The following NCOR2 variants were observed in gnomAD, a reference collection of about 807,000 sequenced individuals.
The protein encoded by NCOR2 is CTG repeat protein 26.
A neutral mutation model predicts 262.9 loss-of-function variants in NCOR2; 81 were observed. The observed-to-expected ratio is 0.31, with a 90% CI of 0.26 to 0.37. The LOEUF is 0.37. Ranked by LOEUF, NCOR2 falls within the 10% of genes least tolerant of loss-of-function variation. The pLI is 1.00. For synonymous variants in NCOR2, 1,659 were observed against 1,559.3 expected (o/e 1.06, Z -1.51); for missense variants, 3,385 against 3,621.4 (o/e 0.93, Z 1.68).
At chr12:124,333,335 A>C (rs1593085706) in intron 41 of NCOR2, 56 bp from the exon 44 acceptor site, 6 of 1,404,612 alleles carry the variant, frequency 4.3e-6, no homozygotes, top group Admixed American at 5.3e-5. Flanking sequence ...GAGGGGGCGC[A>C]CCCTCCCTCC....
Position 124,433,904 on chromosome 12 carries a change from A to ACACACACACACACACACACG in NCOR2, c.883-3118_883-3117insCGTGTGTGTGTGTGTGTGTG, listed in dbSNP as rs1555222718. Among the ~76,000 whole-genome samples, 562 of 93,892 alleles carry ACACACACACACACACACACG rather than the reference A, an allele frequency of 6.0e-3. 29 individuals carry two copies. The highest frequency in any genetic ancestry group is 0.037 in the Middle Eastern group (6 of 162). 61.6% of individuals were successfully genotyped at this position (93,892 alleles called of 152,430 possible). A position where few individuals can be genotyped will look rare whatever the true frequency, so the allele number is the denominator to read the frequency against. ...CACACACACACACACACACACGCAC[A>ACACACACACACACACACACG]CACACACACAGGGAAAGACTGGAGC... is the stretch of plus-strand genomic sequence containing the variant. On this transcript the variant is annotated intron_variant, in intron 8 of 46. Coordinates refer to ENST00000405201, the Ensembl canonical transcript of NCOR2.
rs151326385 is a variant in NCOR2 at position 124,389,754 on chromosome 12, G to A, written c.1877-3867C>T. Reference sequence around the variant, plus strand: ...AGACCGCCAACCATTTAGGGGAGGGGGAAGGGTTTGGGGATTTGGGGTCCC... The same window carrying A: ...AGACCGCCAACCATTTAGGGGAGGGAGAAGGGTTTGGGGATTTGGGGTCCC... On this transcript the variant is annotated intron_variant, in intron 16 of 46. Coordinates refer to ENST00000405201, the Ensembl canonical transcript of NCOR2. The surrounding 1 kb of genome is among the most constrained non-coding windows in gnomAD (Gnocchi z 4.4). Among the ~76,000 whole-genome samples, 1 of 152,312 alleles carries A rather than the reference G, an allele frequency of 6.6e-6. No homozygotes were observed. The highest frequency in any genetic ancestry group is 1.5e-5 in the Non-Finnish European group (1 of 68,022).
intron 7 of NCOR2, among the ~76,000 whole-genome samples, chr12:124,438,974 G>C (rs1261805688): frequency 8.0e-6 from 1 of 125,160 alleles, no homozygotes; most frequent in African/African-American, 3.0e-5. Flanking sequence ...GAGGGAGACA[G>C]AGACCCAGAG....
chr12:124,370,587 C>G (rs2039420281), intron 20 of NCOR2, among the ~76,000 whole-genome samples: 1 of 152,330 alleles, frequency 6.6e-6, no homozygotes, highest in African/African-American at 2.4e-5. Context: ...ACAATTCCTC[C>G]AGCCATCCAG....
At chr12:124,428,043 C>CGGTGTGTGTGTGTG (rs1491282996) in intron 10 of NCOR2, among the ~76,000 whole-genome samples, 1 of 40,964 alleles carries the variant, frequency 2.4e-5, no homozygotes, top group Non-Finnish European at 8.7e-5. Flanking sequence ...CCCATGTGGC[C>CGGTGTGTGTGTGTG]AGTGTGTGTG....
intron 42 of NCOR2, 89 bp from the exon 45 acceptor site, chr12:124,332,556 A>G: frequency 6.4e-7 from 1 of 1,564,954 alleles, no homozygotes; most frequent in Non-Finnish European, 8.8e-7. Context: ...GAGATGCCTT[A>G]GACATTTGGA....
At chr12:124,486,691 G>T in intron 1 of NCOR2, 123 bp from the exon 4 acceptor site, 1 of 1,256,394 alleles carries the variant, frequency 8.0e-7, no homozygotes, top group Non-Finnish European at 1.1e-6. Context: ...AGGCAGATAA[G>T]CCCAAGTCCT....
exon 23 of NCOR2, chr12:124,356,733 A>C (rs1241991531): frequency 1.3e-6 from 2 of 1,498,094 alleles, no homozygotes; most frequent in Non-Finnish European, 1.8e-6. Flanking sequence ...GCAGGCCGGA[A>C]GTCCAGCAAG....
At chr12:124,349,898 T>A (rs2037291542) in intron 28 of NCOR2, among the ~76,000 whole-genome samples, 1 of 152,082 alleles carries the variant, frequency 6.6e-6, no homozygotes, top group African/African-American at 2.4e-5. Flanking sequence ...CAAGGCTATC[T>A]CTGTGGCAGC....
chr12:124,479,171 G>A (rs542722829), intron 3 of NCOR2, among the ~76,000 whole-genome samples: 1 of 152,304 alleles, frequency 6.6e-6, no homozygotes, highest in African/African-American at 2.4e-5. Flanking sequence ...TGCCCACTCA[G>A]GGGTTGGTCA....
At chr12:124,344,116 T>G (rs1244087) in intron 32 of NCOR2, among the ~76,000 whole-genome samples, 150,632 of 152,294 alleles carry the variant, frequency 0.99, 74,516 homozygotes, top group Middle Eastern at 1. Context: ...CCCCAGCAAA[T>G]ACTGAATTGA....
chr12:124,363,442 G>A (rs2038774723), intron 21 of NCOR2, among the ~76,000 whole-genome samples: 1 of 152,224 alleles, frequency 6.6e-6, no homozygotes, highest in African/African-American at 2.4e-5. Context: ...GGTGCTGCGG[G>A]GTGGAAGGGG....
intron 7 of NCOR2, among the ~76,000 whole-genome samples, chr12:124,449,275 T>A (rs1471457612): frequency 6.6e-6 from 1 of 152,190 alleles, no homozygotes; most frequent in Admixed American, 6.5e-5. Flanking sequence ...GCCCCCATCA[T>A]TAGAATACAT....
intron 13 of NCOR2, among the ~76,000 whole-genome samples, chr12:124,406,076 G>A (rs765577773): frequency 2.0e-5 from 3 of 152,246 alleles, no homozygotes; most frequent in Non-Finnish European, 4.4e-5. Context: ...TGGGCAGCCA[G>A]ATTTGAGAAC....
chr12:124,524,029 C>G (rs1048861327), intron 1 of NCOR2, among the ~76,000 whole-genome samples: 1 of 152,228 alleles, frequency 6.6e-6, no homozygotes, highest in Non-Finnish European at 1.5e-5. Flanking sequence ...TGGTGTCAGA[C>G]GTGACTTCCC....
chr12:124,327,702 G>C (rs1198327137), intron 44 of NCOR2, 69 bp from the exon 47 acceptor site: 17 of 1,083,614 alleles, frequency 1.6e-5, no homozygotes, highest in Non-Finnish European at 2.3e-5. Flanking sequence ...AGGGGCGACA[G>C]AGAGAGAGAA....
chr12:124,544,900 G>A (rs745642131), intron 1 of NCOR2, among the ~76,000 whole-genome samples: 25 of 152,144 alleles, frequency 1.6e-4, no homozygotes, highest in African/African-American at 9.7e-5. Context: ...TCGGTGAAAC[G>A]GAGGCAATTA....
At chr12:124,346,959 T>C in intron 30 of NCOR2, 109 bp from the exon 33 acceptor site, 1 of 1,308,668 alleles carries the variant, frequency 7.6e-7, no homozygotes, top group Non-Finnish European at 9.9e-7. Context: ...AATCCCCACT[T>C]GCTGTGTGAC....
chr12:124,342,762 G>A (rs2036564842), intron 33 of NCOR2, among the ~76,000 whole-genome samples: 1 of 152,204 alleles, frequency 6.6e-6, no homozygotes, highest in Non-Finnish European at 1.5e-5. Context: ...GCACTGATAA[G>A]TCCTGCCGGA....
Sources: allele counts gnomAD v4.1 joint callset (sites outside exome capture counted in the v4.1 genomes callset), GRCh38; gene constraint gnomAD v4.1.1; non-coding constraint Gnocchi (gnomAD v3.1); transcripts MANE v1.5; gene names NCBI Gene and HGNC (gene_info 2026-07-23, HGNC 2026-07-21).